Variants in MSR1 observed in about 807,000 individuals in gnomAD.
MSR1 encodes macrophage scavenger receptor 1.
Under a neutral mutation model 47.2 loss-of-function variants are expected in MSR1, and 53 were observed. That is an observed-to-expected ratio of 1.12 (90% CI 0.90 to 1.41). The LOEUF (loss-of-function observed/expected upper bound fraction) is 1.41. Among genes scored for constraint, MSR1 ranks in the 40% most tolerant of loss-of-function variants. MSR1 has a pLI of 0.00. For missense variants in MSR1, 786 were observed against 546.9 expected (o/e 1.44, Z -4.36); for synonymous variants, 239 against 185.6 (o/e 1.29, Z -2.34).
At chr8:16,191,198 C>T (rs1379494817) in intron 1 of MSR1, among the ~76,000 whole-genome samples, 2 of 152,062 alleles carry the variant, frequency 1.3e-5, no homozygotes, top group Admixed American at 6.6e-5. Context: ...TTAAGGAACC[C>T]GTCTGTAAGA....
At chr8:16,181,412 A>G (rs962899156) in intron 1 of MSR1, among the ~76,000 whole-genome samples, 2 of 152,180 alleles carry the variant, frequency 1.3e-5, no homozygotes, top group Non-Finnish European at 2.9e-5. Context: ...ATGCCCATCA[A>G]TGATAGATTG....
At chr8:16,141,023 A>G in intron 8 of MSR1, 1 of 1,613,776 alleles carries the variant, frequency 6.2e-7, no homozygotes, top group Non-Finnish European at 8.5e-7. Flanking sequence ...CTGCCCTAAT[A>G]TGATCAGTGA....
intron 8 of MSR1, among the ~76,000 whole-genome samples, chr8:16,134,024 G>C (rs1268302090): frequency 6.6e-6 from 1 of 152,138 alleles, no homozygotes; most frequent in Non-Finnish European, 1.5e-5. Context: ...TGGATAGTCA[G>C]CTGCTGCAGG....
intron 1 of MSR1, among the ~76,000 whole-genome samples, chr8:16,186,921 T>C (rs190877668): frequency 6.6e-6 from 1 of 152,184 alleles, no homozygotes; most frequent in East Asian, 1.9e-4. Context: ...GGCCTCACCT[T>C]GTTGATTTTA....
At chr8:16,161,509 T>C (rs568632332) in intron 5 of MSR1, among the ~76,000 whole-genome samples, 1 of 151,966 alleles carries the variant, frequency 6.6e-6, no homozygotes, top group Non-Finnish European at 1.5e-5. Flanking sequence ...TGATATGTGT[T>C]CTGTATAAGC....
chr8:16,115,436 T>A (rs1369751756), intron 9 of MSR1, among the ~76,000 whole-genome samples: 1 of 152,130 alleles, frequency 6.6e-6, no homozygotes, highest in Non-Finnish European at 1.5e-5. Flanking sequence ...AGGAATGTTT[T>A]AAATAGCTTT....
chr8:16,166,324 ATTTTT>A (rs5889635), intron 4 of MSR1, among the ~76,000 whole-genome samples: 1 of 145,392 alleles, frequency 6.9e-6, no homozygotes, highest in African/African-American at 2.5e-5. Context: ...CACCTGACTA[ATTTTT>A]TTTTTTTTAA....
At chr8:16,161,240 G>A (rs1226350871) in intron 5 of MSR1, among the ~76,000 whole-genome samples, 1 of 151,734 alleles carries the variant, frequency 6.6e-6, no homozygotes, top group Non-Finnish European at 1.5e-5. Flanking sequence ...ATGAGAGCAA[G>A]GAAGTCAAAG....
chr8:16,111,866 G>T (rs568786936), intron 9 of MSR1, among the ~76,000 whole-genome samples: 12 of 152,122 alleles, frequency 7.9e-5, no homozygotes, highest in African/African-American at 2.9e-4. Flanking sequence ...GCTCAAAGTC[G>T]CACAGGATTC....
At chr8:16,140,051 C>A in intron 8 of MSR1, 1 of 857,506 alleles carries the variant, frequency 1.2e-6, no homozygotes, top group South Asian at 5.4e-5. Flanking sequence ...GCTGTTATGT[C>A]CAGCTCATGG....
At chr8:16,174,399 G>T (rs531780326) in intron 3 of MSR1, among the ~76,000 whole-genome samples, 1 of 152,226 alleles carries the variant, frequency 6.6e-6, no homozygotes, top group African/African-American at 2.4e-5. Flanking sequence ...AATGCCAATC[G>T]AAATACATCA....
chr8:16,150,164 AT>A (rs1800813360), intron 7 of MSR1, 66 bp downstream of exon 7: 6 of 282,830 alleles, frequency 2.1e-5, no homozygotes, highest in South Asian at 2.0e-4. Flanking sequence ...ATATATATAT[AT>A]ATATATAAAA....
rs543120297 is a variant in MSR1 at position 16,138,123 on chromosome 8, A to G, written c.1033+5435T>C. 3.3e-5 allele frequency among the ~76,000 whole-genome samples: 5 copies of G among 152,302 alleles called. No homozygotes were observed. The South Asian group carries it at 1.0e-3, about 32-fold the overall frequency. The stretch of plus-strand genomic sequence containing the variant: ...TCCTTAGTAAAAATCAAATGAAAAA[A>G]CAAATGGATTTTTCCTATCGTTGTT... On this transcript the variant is annotated intron_variant, in intron 8 of 9. Transcript: ENST00000262101.
intron 8 of MSR1, among the ~76,000 whole-genome samples, chr8:16,129,638 CCTGGGAGGCTGAG>C (rs1375212099): frequency 6.6e-6 from 1 of 152,028 alleles, no homozygotes; most frequent in Non-Finnish European, 1.5e-5. Context: ...GTTCCAGCTA[CCTGGGAGGCTGAG>C]GTGGGAAGAT....
chr8:16,189,214 TC>T (rs1802092881), intron 1 of MSR1, among the ~76,000 whole-genome samples: 6 of 137,686 alleles, frequency 4.4e-5, no homozygotes, highest in African/African-American at 1.4e-4. Context: ...TATATATATT[TC>T]ATATATGTAA....
At chr8:16,144,525 G>A (rs1800647377) in intron 7 of MSR1, among the ~76,000 whole-genome samples, 1 of 152,096 alleles carries the variant, frequency 6.6e-6, no homozygotes, top group South Asian at 2.1e-4. Context: ...GAGCTCAGAG[G>A]ATGTAGTTTA....
chr8:16,183,751 T>A (rs1801910494), intron 1 of MSR1, among the ~76,000 whole-genome samples: 1 of 143,128 alleles, frequency 7.0e-6, no homozygotes, highest in Non-Finnish European at 1.5e-5. Flanking sequence ...AATATAAATA[T>A]ATGTATAATT....
intron 9 of MSR1, 139 bp from the exon 10 acceptor site, chr8:16,110,357 G>C (rs1585127869): frequency 1.1e-6 from 1 of 930,892 alleles, no homozygotes; most frequent in East Asian, 2.5e-5. Flanking sequence ...GTGCTCTCTA[G>C]TAGGAATCAA....
rs1799687541 is a variant in MSR1 at position 16,108,623 on chromosome 8, A to T, written c.*1462T>A. 6.6e-6 allele frequency: 1 copy of T among 152,154 alleles called. No individual in the cohort carries two copies. The highest frequency in any genetic ancestry group is 1.5e-5 in the Non-Finnish European group (1 of 68,012). The allele number at this position is 152,154 out of a possible 1,614,324, so 9.4% of individuals were successfully genotyped here. ...TTTGAGACAGAAAGTGTACATTCAG[A>T]ATTCATTCTCTTAACCACAAAATTA... On this transcript the variant is annotated 3_prime_UTR_variant, in exon 10 of 10. Transcript: ENST00000262101.
Sources: gnomAD v4.1 joint callset for allele counts (sites outside exome capture counted in the v4.1 genomes callset) on GRCh38, gnomAD v4.1.1 for gene constraint, MANE v1.5 for transcripts, NCBI Gene and HGNC (gene_info 2026-07-23, HGNC 2026-07-21) for gene names.